The following HMGA2 variants were observed in gnomAD, a reference collection of about 807,000 sequenced individuals.
HMGA2 encodes the protein high mobility group protein HMGI-C.
HMGA2 carries 8 observed loss-of-function variants against 19.1 expected under a neutral mutation model. The ratio of observed to expected loss-of-function variants is 0.42; its 90% CI spans 0.25 to 0.76. The LOEUF (loss-of-function observed/expected upper bound fraction) is 0.76, where lower values mean the gene tolerates loss of function less well. Ranked by LOEUF, HMGA2 falls within the 30% of genes least tolerant of loss-of-function variation. The pLI, the probability that HMGA2 is intolerant of heterozygous loss-of-function variation, is 0.28. For synonymous variants in HMGA2, 60 were observed against 48.8 expected, an observed-to-expected ratio of 1.23 and a Z score of -0.96; for missense variants, 109 against 136.3, an observed-to-expected ratio of 0.80 and a Z score of 1.00.
chr12:65,854,243 A>G (rs1052389455), intron 3 of HMGA2, among the ~76,000 whole-genome samples: 1 of 152,242 alleles, frequency 6.6e-6, no homozygotes, highest in Non-Finnish European at 1.5e-5. Context: ...AGAAAGGAAC[A>G]TTTTGATAGC....
chr12:65,874,987 G>A (rs1011414963), intron 3 of HMGA2, among the ~76,000 whole-genome samples: 1 of 152,104 alleles, frequency 6.6e-6, no homozygotes, highest in Non-Finnish European at 1.5e-5. Context: ...CAACCAGAAA[G>A]GTTCCCCGCC....
Position 65,828,012 on chromosome 12 carries a change from T to C in HMGA2, c.123T>C (p.Gly41=), listed in dbSNP as rs761002654. The C allele has an allele frequency of 6.2e-7, 1 of 1,612,996 alleles. No homozygotes were observed. The highest frequency in any genetic ancestry group is 8.5e-7 in the Non-Finnish European group (1 of 1,179,106). ...RPRKQQQEPT[G]EPSPKRPRGR... ...TCCCTCACAATTAGGAACCAACCGG[T>C]GAGCCCTCTCCTAAGAGACCCAGGG... The change falls in exon 2 of 5, where the codon GGT becomes GGC. Residue 41 remains glycine (G), a synonymous_variant. Coordinates refer to ENST00000403681, the MANE Select transcript of HMGA2 (RefSeq NM_003483.6).
intron 3 of HMGA2, among the ~76,000 whole-genome samples, chr12:65,902,448 G>C (rs1385599555): frequency 6.6e-6 from 1 of 152,034 alleles, no homozygotes; most frequent in African/African-American, 2.4e-5. Flanking sequence ...TTGAGTTCAG[G>C]TTTTTCTGAC....
rs548808803 is a variant in HMGA2 at position 65,882,067 on chromosome 12, T to C, written c.249+43498T>C. On this transcript the variant is annotated intron_variant, in intron 3 of 4. Transcript: ENST00000403681. ...TGTCTATCACCAAAGCTGTCCACCT[T>C]GTCCGGAGGGGAATGAGCGTGGAAA... 8.7e-5 allele frequency: 51 copies of C among 584,692 alleles called. No individual in the cohort carries two copies. The South Asian group carries it at 9.1e-4, about 10-fold the overall frequency. The allele number at this position is 584,692 out of a possible 1,614,324, so 36.2% of individuals were successfully genotyped here.
chr12:65,893,256 A>G (rs1012221169), intron 3 of HMGA2, among the ~76,000 whole-genome samples: 3 of 152,194 alleles, frequency 2.0e-5, no homozygotes, highest in Non-Finnish European at 4.4e-5. Context: ...AGCAACATCT[A>G]CTGTCTCCTC....
intron 3 of HMGA2, among the ~76,000 whole-genome samples, chr12:65,849,525 C>T (rs1806309268): frequency 6.6e-6 from 1 of 152,054 alleles, no homozygotes; most frequent in Non-Finnish European, 1.5e-5. Context: ...ATAAATAAAT[C>T]CCTTATTCCC....
chr12:65,954,763 C>T (rs1296882362), intron 4 of HMGA2: 1 of 152,120 alleles, frequency 6.6e-6, no homozygotes. Context: ...AGTTAATAGT[C>T]TCTTAAAAAT....
intron 4 of HMGA2, chr12:65,954,651 T>C (rs1876554203): frequency 6.6e-6 from 1 of 152,094 alleles, no homozygotes; most frequent in African/African-American, 2.4e-5. Context: ...TAGAGAGAAA[T>C]GAAAAGTGAA....
chr12:65,946,487 A>C (rs1362459679), intron 3 of HMGA2, among the ~76,000 whole-genome samples: 3 of 152,294 alleles, frequency 2.0e-5, no homozygotes, highest in African/African-American at 7.2e-5. Context: ...TTTACCATAC[A>C]TTGTGCCTAA....
chr12:65,894,294 T>C (rs988364107), intron 3 of HMGA2, among the ~76,000 whole-genome samples: 1 of 152,192 alleles, frequency 6.6e-6, no homozygotes, highest in Non-Finnish European at 1.5e-5. Flanking sequence ...GTTTATTTTA[T>C]AGGCACTGCA....
chr12:65,952,522 T>C, intron 4 of HMGA2: 1 of 1,439,246 alleles, frequency 6.9e-7, no homozygotes, highest in East Asian at 2.5e-5. Flanking sequence ...AAAAACAGAG[T>C]TACCATGAAA....
At chr12:65,891,198 A>G (rs1170807702) in intron 3 of HMGA2, among the ~76,000 whole-genome samples, 1 of 152,166 alleles carries the variant, frequency 6.6e-6, no homozygotes. Flanking sequence ...ATTTAGGAAG[A>G]CTGGGATAAA....
rs548790814 is a variant in HMGA2 at position 65,958,581 on chromosome 12, C to T, written c.283-4664C>T. 8 of 152,252 alleles carry T rather than the reference C, an allele frequency of 5.3e-5. No homozygotes were observed. In the South Asian group the frequency reaches 1.7e-3, roughly 32 times the overall value. 9.4% of individuals were successfully genotyped at this position (152,252 alleles called of 1,614,324 possible). A position where few individuals can be genotyped will look rare whatever the true frequency, so the allele number is the denominator to read the frequency against. ...CAGATGGAACTTGAAAAACTGGTTC[C>T]TGGTCATTGCTGCTGAAGAGAGCCC... On this transcript the variant is annotated intron_variant, in intron 4 of 4. Transcript: ENST00000403681.
In HMGA2 at chr12:65,965,097, T is replaced by A. The variant is rs1254576225; in HGVS notation, c.*1805T>A. 1 of 192,646 alleles carries A rather than the reference T, an allele frequency of 5.2e-6. No individual in the cohort carries two copies. Among genetic ancestry groups the A allele is most frequent in the African/African-American group, 2.3e-5 (1 of 43,036 alleles). The allele number at this position is 192,646 out of a possible 1,614,324, so 11.9% of individuals were successfully genotyped here. On this transcript the variant is annotated 3_prime_UTR_variant, in exon 5 of 5. Coordinates refer to ENST00000403681, the MANE Select transcript of HMGA2 (RefSeq NM_003483.6). The stretch of plus-strand genomic sequence containing the variant: ...AAGACATTTGATAGAAAGGAACACG[T>A]TTTTACATACTTTTGCAAAATAAGT...
rs60081000 is a variant in HMGA2, at chr12:65,838,598, T to C, written c.249+29T>C. Reference sequence around the variant, plus strand: ...AGTAATAAGATATAATTTTTCTTCTTTTTTTTAAAGAAAAATTTCTGTTGT... The same window carrying C: ...AGTAATAAGATATAATTTTTCTTCTCTTTTTTAAAGAAAAATTTCTGTTGT... On this transcript the variant is annotated intron_variant, in intron 3 of 4. Coordinates refer to ENST00000403681, the MANE Select transcript of HMGA2 (RefSeq NM_003483.6). The C allele has an allele frequency of 8.7e-3, 13,429 of 1,538,408 alleles. 692 individuals carry two copies. The African/African-American group carries it at 0.14, about 16-fold the overall frequency.
chr12:65,939,892 T>C (rs1876033530), intron 3 of HMGA2, among the ~76,000 whole-genome samples: 1 of 152,172 alleles, frequency 6.6e-6, no homozygotes, highest in South Asian at 2.1e-4. Flanking sequence ...TAGATGGGCC[T>C]ACATCATTAT....
At position 65,896,222 on chromosome 12, in the gene HMGA2, T is replaced by G. The variant is rs559256769; in HGVS notation, c.250-55161T>G. Among the ~76,000 whole-genome samples the G allele has an allele frequency of 1.4e-4, 22 of 152,338 alleles. No individual in the cohort carries two copies. In the East Asian group the frequency reaches 3.1e-3, roughly 21 times the overall value. On this transcript the variant is annotated intron_variant, in intron 3 of 4. Coordinates refer to ENST00000403681, the MANE Select transcript of HMGA2 (RefSeq NM_003483.6). Reference sequence around the variant, plus strand: ...CATTGCATCTGAGATCCCATTTTTGTCCCTTTATTTGCTCCAGAATACCGC... The same window carrying G: ...CATTGCATCTGAGATCCCATTTTTGGCCCTTTATTTGCTCCAGAATACCGC...
chr12:65,924,064 C>T (rs992409662), intron 3 of HMGA2, among the ~76,000 whole-genome samples: 1 of 152,088 alleles, frequency 6.6e-6, no homozygotes, highest in Non-Finnish European at 1.5e-5. Context: ...AAGTCATTCT[C>T]TGACCCACCC....
At chr12:65,836,637 G>A (rs1182904191) in intron 2 of HMGA2, among the ~76,000 whole-genome samples, 1 of 152,202 alleles carries the variant, frequency 6.6e-6, no homozygotes, top group African/African-American at 2.4e-5. Flanking sequence ...CCCTCTCCAT[G>A]AGGCAATGCT....
Sources: gnomAD v4.1 joint callset for allele counts (sites outside exome capture counted in the v4.1 genomes callset) on GRCh38, gnomAD v4.1.1 for gene constraint, MANE v1.5 for transcripts, NCBI Gene and HGNC (gene_info 2026-07-23, HGNC 2026-07-21) for gene names.